The following GPR158 variants were observed in gnomAD, a reference collection of about 807,000 sequenced individuals.
The protein encoded by GPR158 is metabotropic glycine receptor.
In GPR158, 30 loss-of-function variants were observed where a neutral mutation model predicts 78.2. The observed-to-expected ratio is 0.38, with a 90% confidence interval of 0.29 to 0.52. GPR158 has a LOEUF of 0.52. Among genes scored for constraint, GPR158 ranks in the 20% least tolerant of loss-of-function variants. The pLI is 0.83. For missense variants in GPR158, 1,463 were observed against 1,523.5 expected (o/e 0.96, Z 0.66); for synonymous variants, 581 against 591.1 (o/e 0.98, Z 0.25).
At position 25,596,514 on chromosome 10, in the gene GPR158, TATAG is replaced by T. The variant is rs111466818; in HGVS notation, c.1999-114_1999-111del. 113 of 628,234 alleles carry T rather than the reference TATAG, an allele frequency of 1.8e-4. 2 individuals carry two copies. Among genetic ancestry groups the T allele is most frequent in the African/African-American group, 1.1e-3 (61 of 53,456 alleles). 38.9% of individuals were successfully genotyped at this position (628,234 alleles called of 1,614,324 possible). ...CTCTCTCTATCTATCTATCTATATA[TATAG>T]ATAGATAGATAGATCTAGGTATAGA... is the stretch of plus-strand genomic sequence containing the variant. On this transcript the variant is annotated intron_variant, in intron 9 of 10. Transcript: ENST00000376351.
At chr10:25,595,605 A>G (rs1016920252) in intron 9 of GPR158, among the ~76,000 whole-genome samples, 18 of 152,252 alleles carry the variant, frequency 1.2e-4, no homozygotes, top group African/African-American at 3.6e-4. Context: ...TGTTACAACA[A>G]TAAGAAGTGC....
At chr10:25,592,179 C>T (rs1335087872) in intron 8 of GPR158, among the ~76,000 whole-genome samples, 2 of 151,790 alleles carry the variant, frequency 1.3e-5, no homozygotes, top group Admixed American at 1.3e-4. Flanking sequence ...AAAATTATGT[C>T]TATGTATGTA....
chr10:25,332,884 C>A (rs935813899), intron 2 of GPR158, among the ~76,000 whole-genome samples: 6 of 152,102 alleles, frequency 3.9e-5, no homozygotes, highest in Non-Finnish European at 7.3e-5. Flanking sequence ...CTTTAGGGTT[C>A]TGGGTTTCCC....
At chr10:25,568,101 G>A (rs1426342304) in intron 6 of GPR158, among the ~76,000 whole-genome samples, 1 of 150,568 alleles carries the variant, frequency 6.6e-6, no homozygotes, top group East Asian at 2.0e-4. Flanking sequence ...GTAGGTTGGA[G>A]AACAGCAAAG....
chr10:25,544,855 G>T (rs1201342438), intron 5 of GPR158, among the ~76,000 whole-genome samples: 1 of 151,942 alleles, frequency 6.6e-6, no homozygotes, highest in African/African-American at 2.4e-5. Context: ...CTATCCCTCT[G>T]CTACCCCCCA....
intron 2 of GPR158, among the ~76,000 whole-genome samples, chr10:25,257,480 T>C (rs1853905153): frequency 6.6e-6 from 1 of 152,202 alleles, no homozygotes; most frequent in South Asian, 2.1e-4. Flanking sequence ...TGATCGGCTA[T>C]TTAGAGAAGG....
At chr10:25,478,160 T>A (rs1027795030) in intron 5 of GPR158, among the ~76,000 whole-genome samples, 1 of 152,190 alleles carries the variant, frequency 6.6e-6, no homozygotes, top group Admixed American at 6.5e-5. Context: ...TAACCAATAA[T>A]CTTCCTTTAG....
intron 2 of GPR158, among the ~76,000 whole-genome samples, chr10:25,224,517 A>G (rs1056286925): frequency 2.0e-5 from 3 of 151,778 alleles, no homozygotes; most frequent in African/African-American, 7.2e-5. Flanking sequence ...AAAGAATTAT[A>G]TATTTATAGC....
intron 2 of GPR158, among the ~76,000 whole-genome samples, chr10:25,297,847 G>C (rs964964833): frequency 2.0e-4 from 30 of 152,204 alleles, no homozygotes; most frequent in Non-Finnish European, 4.1e-4. Flanking sequence ...CAAGAACAGT[G>C]ACATCTCAGA....
intron 2 of GPR158, among the ~76,000 whole-genome samples, chr10:25,394,579 G>A (rs1226277387): frequency 1.3e-5 from 2 of 152,060 alleles, no homozygotes; most frequent in African/African-American, 4.8e-5. Flanking sequence ...GAATTGACTG[G>A]TACTCTTGCT....
chr10:25,474,195 C>T (rs1588879464), intron 5 of GPR158, among the ~76,000 whole-genome samples: 1 of 152,100 alleles, frequency 6.6e-6, no homozygotes, highest in East Asian at 1.9e-4. Flanking sequence ...TCCCTTGACC[C>T]TCTACAAGGA....
At chr10:25,258,982 AT>A (rs1194373953) in intron 2 of GPR158, among the ~76,000 whole-genome samples, 1 of 152,156 alleles carries the variant, frequency 6.6e-6, no homozygotes, top group South Asian at 2.1e-4. Flanking sequence ...GAGAAAATAC[AT>A]TTTTTATTCA....
At chr10:25,354,355 C>CA (rs34409947) in intron 2 of GPR158, among the ~76,000 whole-genome samples, 5,553 of 111,228 alleles carry the variant, frequency 0.05, 144 homozygotes, top group African/African-American at 0.086. Context: ...AACTCAGTCT[C>CA]AAAAAAAAAA....
chr10:25,246,205 T>C (rs1217998929), intron 2 of GPR158, among the ~76,000 whole-genome samples: 1 of 152,206 alleles, frequency 6.6e-6, no homozygotes, highest in African/African-American at 2.4e-5. Flanking sequence ...GGCTTGTTCT[T>C]TCTGAGCAAG....
At chr10:25,347,075 C>T (rs1177723459) in intron 2 of GPR158, among the ~76,000 whole-genome samples, 1 of 151,850 alleles carries the variant, frequency 6.6e-6, no homozygotes, top group Non-Finnish European at 1.5e-5. Flanking sequence ...AAGCATAGTG[C>T]CTGTATTTGT....
intron 5 of GPR158, among the ~76,000 whole-genome samples, chr10:25,483,197 G>T (rs1835681830): frequency 6.6e-6 from 1 of 151,914 alleles, no homozygotes; most frequent in Admixed American, 6.6e-5. Context: ...CCCTGCATTA[G>T]CTCCCTATTT....
chr10:25,407,554 G>C (rs1001538210), intron 3 of GPR158, among the ~76,000 whole-genome samples: 1 of 152,110 alleles, frequency 6.6e-6, no homozygotes, highest in Non-Finnish European at 1.5e-5. Flanking sequence ...GACATGTCAA[G>C]ATTGGACTTA....
At chr10:25,228,544 G>T (rs1853404077) in intron 2 of GPR158, among the ~76,000 whole-genome samples, 1 of 152,144 alleles carries the variant, frequency 6.6e-6, no homozygotes, top group South Asian at 2.1e-4. Context: ...AAATAAACAG[G>T]TTCTCCAGTA....
At chr10:25,362,492 G>A (rs934869058) in intron 2 of GPR158, among the ~76,000 whole-genome samples, 2 of 151,824 alleles carry the variant, frequency 1.3e-5, no homozygotes, top group Non-Finnish European at 2.9e-5. Context: ...TGCAAAAAAT[G>A]TTGAGCTTTA....
Sources: allele counts gnomAD v4.1 joint callset (sites outside exome capture counted in the v4.1 genomes callset), GRCh38; gene constraint gnomAD v4.1.1; transcripts MANE v1.5; gene names NCBI Gene and HGNC (gene_info 2026-07-23, HGNC 2026-07-21).